The following LENG9 variants were observed in gnomAD, a reference collection of about 807,000 sequenced individuals.
The protein encoded by LENG9 is leukocyte receptor cluster (LRC) member 9.
For missense variants in LENG9, 872 were observed against 652.7 expected (o/e 1.34, Z -3.66); for synonymous variants, 410 against 303.9 (o/e 1.35, Z -3.63).
chr19:54,463,160 G>A lies in LENG9; in HGVS notation c.367C>T (p.His123Tyr). 1 of 1,589,042 alleles carries A rather than the reference G, an allele frequency of 6.3e-7. No individual in the cohort carries two copies. Among genetic ancestry groups the A allele is most frequent in the East Asian group, 2.3e-5 (1 of 44,078 alleles). ...CGGAAGCGGAAGAAGCGCACGCGGTGCTGGGGCACTGCCAGCACGCCCGGC... is the reference window on the plus strand; with the variant it reads ...CGGAAGCGGAAGAAGCGCACGCGGTACTGGGGCACTGCCAGCACGCCCGGC... ...LGPGVLAVPQ[H>Y]RVRFFRFRGR... Residue 123 changes from histidine (H) to tyrosine (Y), a missense_variant, in exon 1 of 1, where the codon CAC becomes TAC. By Grantham distance (83) the His-to-Tyr change is moderately conservative. Coordinates refer to ENST00000611161, the MANE Select transcript of LENG9 (RefSeq NM_001301782.2).
In LENG9 at chr19:54,461,998, TAAAGAG is replaced by T. The variant is rs2084594186; in HGVS notation, c.*86_*91del. ...TTGGAAGCTTGAGAGAAACCAAAAT[TAAAGAG>T]AGAAAGAGAGAGCGTGCACGCTCCT... On this transcript the variant is annotated 3_prime_UTR_variant, in exon 1 of 1. Coordinates refer to ENST00000611161, the MANE Select transcript of LENG9 (RefSeq NM_001301782.2). 3 of 1,422,430 alleles carry T rather than the reference TAAAGAG, an allele frequency of 2.1e-6. No homozygotes were observed. The highest frequency in any genetic ancestry group is 1.8e-4 in the Middle Eastern group (1 of 5,508). The allele number at this position is 1,422,430 out of a possible 1,614,324, so 88.1% of individuals were successfully genotyped here. A position where few individuals can be genotyped will look rare whatever the true frequency, so the allele number is the denominator to read the frequency against.
In LENG9 at chr19:54,463,247, G is replaced by C; in HGVS notation, c.280C>G (p.Leu94Val). The C allele has an allele frequency of 3.2e-6, 5 of 1,544,792 alleles. No individual in the cohort carries two copies. Among genetic ancestry groups the C allele is most frequent in the Non-Finnish European group, 4.3e-6 (5 of 1,151,550 alleles). ...DFSVGYVDRF[L>V]GVREEPFSAF... The stretch of plus-strand genomic sequence containing the variant: ...CTGAAGGGCTCCTCGCGCACACCCA[G>C]AAAGCGGTCGACGTAGCCCACCGAG... Residue 94 changes from leucine (L) to valine (V), a missense_variant, in exon 1 of 1, where the codon CTG (leucine) becomes GTG (valine). Physicochemically the swap from Leu to Val is conservative, Grantham distance 32 (BLOSUM62 1). Coordinates refer to ENST00000611161, the MANE Select transcript of LENG9 (RefSeq NM_001301782.2).
chr19:54,463,369 G>A lies in LENG9; in HGVS notation c.158C>T (p.Ala53Val). 2 of 1,321,304 alleles carry A rather than the reference G, an allele frequency of 1.5e-6. No individual in the cohort carries two copies. 81.8% of individuals were successfully genotyped at this position (1,321,304 alleles called of 1,614,324 possible). A position where few individuals can be genotyped will look rare whatever the true frequency, so the allele number is the denominator to read the frequency against. The change falls in exon 1 of 1, where the codon GCG becomes GTG. Residue 53 changes from alanine to valine, a missense_variant. By Grantham distance (64) the Ala-to-Val change is moderately conservative (BLOSUM62 0). Transcript: ENST00000611161. The stretch of plus-strand genomic sequence containing the variant: ...CTTCTTGGCCCCGGCCTCCGGCTGC[G>A]CCTCGCGGCCAGGCGGCGCCGGCGC... ...PGAPAPPGRE[A>V]QPEAGAKKPP... is the part of the protein sequence containing the mutation.
Position 54,462,796 on chromosome 19 carries a change from GT to G in LENG9, c.730del (p.Thr244GlnfsTer62). On this transcript the variant is annotated frameshift_variant, in exon 1 of 1. Transcript: ENST00000611161. LOFTEE classifies it low-confidence loss of function (END_TRUNC). ...CAGCAATGTGGTCCTGGTGGCTGCTGTTGGCTTCAGTGCCTCAGTCACTCCG... is the reference window on the plus strand; with the variant it reads ...CAGCAATGTGGTCCTGGTGGCTGCTGTGGCTTCAGTGCCTCAGTCACTCCG... ...LAGVTEALKP[T>X]AATRTTLLGG... 1 of 1,581,042 alleles carries G rather than the reference GT, an allele frequency of 6.3e-7. No homozygotes were observed. The highest frequency in any genetic ancestry group is 8.5e-7 in the Non-Finnish European group (1 of 1,170,708).
In LENG9 at chr19:54,463,106, G is replaced by T. The variant is rs769089695; in HGVS notation, c.421C>A (p.Arg141Ser). 1.2e-6 allele frequency: 2 copies of T among 1,600,846 alleles called. No individual in the cohort carries two copies. The highest frequency in any genetic ancestry group is 1.7e-6 in the Non-Finnish European group (2 of 1,178,686). Reference protein sequence around the residue: ...RGRLVWDRASRTDLVFGSGSA... With the variant: ...RGRLVWDRASSTDLVFGSGSA... ...CCAGAGCCAAAGACGAGGTCGGTGC[G>T]CGAGGCGCGGTCCCACACAAGGCGG... The change falls in exon 1 of 1, where the codon CGC becomes AGC. Residue 141 changes from arginine (R) to serine (S), a missense_variant. Physicochemically the swap from Arg to Ser is moderately radical, Grantham distance 110. Coordinates refer to ENST00000611161, the MANE Select transcript of LENG9 (RefSeq NM_001301782.2).
rs2084672607 is a variant in LENG9 at position 54,463,555 on chromosome 19, G to A, written c.-29C>T. On this transcript the variant is annotated 5_prime_UTR_variant, in exon 1 of 1. Coordinates refer to ENST00000611161, the MANE Select transcript of LENG9 (RefSeq NM_001301782.2). ...TGCGGGGAACTGGCACGCCCGCCGC[G>A]CAGACGAGGTCGCCCCGCACGGAGG... 2.9e-6 allele frequency: 4 copies of A among 1,382,554 alleles called. No homozygotes were observed. Among genetic ancestry groups the A allele is most frequent in the South Asian group, 1.6e-5 (1 of 63,876 alleles). The allele number at this position is 1,382,554 out of a possible 1,614,324, so 85.6% of individuals were successfully genotyped here.
In LENG9 at chr19:54,463,768, G is replaced by A; in HGVS notation, c.-242C>T. On this transcript the variant is annotated 5_prime_UTR_variant, in exon 1 of 1. Coordinates refer to ENST00000611161, the MANE Select transcript of LENG9 (RefSeq NM_001301782.2). ...CCCTCCCCCAGCGCCAGGAAAGCAA[G>A]CTGCGTAAAGGCTGCGGCAGTCTCG... The A allele has an allele frequency of 2.3e-6, 1 of 444,212 alleles. No individual in the cohort carries two copies. Among genetic ancestry groups the A allele is most frequent in the Non-Finnish European group, 3.7e-6 (1 of 272,448 alleles). The allele number at this position is 444,212 out of a possible 1,614,324, so 27.5% of individuals were successfully genotyped here.
chr19:54,463,420 G>A lies in LENG9; in HGVS notation c.107C>T (p.Ala36Val). Residue 36 changes from alanine to valine, a missense_variant, in exon 1 of 1, where the codon GCC becomes GTC. Ala to Val is a moderately conservative substitution (Grantham distance 64, BLOSUM62 0). Transcript: ENST00000611161. ...CCCAGGGTGGGGCTGGCGGCAGCGG[G>A]CGCCGAAGCGGCAGCGGCCTTCCAG... ...FFLEGRCRFG[A>V]RCRQPHPGAP... 1 of 1,242,238 alleles carries A rather than the reference G, an allele frequency of 8.0e-7. No individual in the cohort carries two copies. The highest frequency in any genetic ancestry group is 3.2e-5 in the East Asian group (1 of 31,044). 77.0% of individuals were successfully genotyped at this position (1,242,238 alleles called of 1,614,324 possible). A position where few individuals can be genotyped will look rare whatever the true frequency, so the allele number is the denominator to read the frequency against.
rs1162714702 is a variant in LENG9 at position 54,461,739 on chromosome 19, C to T, written c.*351G>A. 4 of 518,526 alleles carry T rather than the reference C, an allele frequency of 7.7e-6. No homozygotes were observed. The highest frequency in any genetic ancestry group is 1.2e-5 in the Non-Finnish European group (3 of 258,960). 32.1% of individuals were successfully genotyped at this position (518,526 alleles called of 1,614,324 possible). Reference sequence around the variant, plus strand: ...TCACCAGCTCACGTCATGTTGCCTTCTCTTTTCTTTGTGTGTGTGTTTATT... The same window carrying T: ...TCACCAGCTCACGTCATGTTGCCTTTTCTTTTCTTTGTGTGTGTGTTTATT... On this transcript the variant is annotated 3_prime_UTR_variant, in exon 1 of 1. Transcript: ENST00000611161.
Position 54,462,520 on chromosome 19 carries a change from T to C in LENG9, c.1007A>G (p.Gln336Arg), listed in dbSNP as rs2084621590. The change falls in exon 1 of 1, where the codon CAG becomes CGG. Residue 336 changes from glutamine to arginine, a missense_variant. By Grantham distance (43) the Gln-to-Arg change is conservative. Coordinates refer to ENST00000611161, the MANE Select transcript of LENG9 (RefSeq NM_001301782.2). ...CAGGGCCAGGGTCAGGTGTAGGTTC[T>C]GAGAGGGCACTAGGAAGTTGGCGCA... Reference protein sequence around the residue: ...PHCANFLVPSQNLHLTLALLR... With the variant: ...PHCANFLVPSRNLHLTLALLR... The C allele has an allele frequency of 6.2e-7, 1 of 1,613,476 alleles. No homozygotes were observed. Among genetic ancestry groups the C allele is most frequent in the African/African-American group, 1.3e-5 (1 of 74,936 alleles).
Position 54,463,012 on chromosome 19 carries a change from C to T in LENG9, c.515G>A (p.Gly172Asp), listed in dbSNP as rs199909342. The change falls in exon 1 of 1, where the codon GGT (glycine) becomes GAT (aspartate). Residue 172 changes from glycine (G) to aspartate (D), a missense_variant. Coordinates refer to ENST00000611161, the MANE Select transcript of LENG9 (RefSeq NM_001301782.2). ...PNTEGAHGAEGAEWTLAGTGQ... is the reference protein window; with the variant it reads ...PNTEGAHGAEDAEWTLAGTGQ... ...TGTCCCCGCCAGTGTCCACTCGGCA[C>T]CCTCTGCCCCGTGGGCGCCCTCGGT... is the stretch of plus-strand genomic sequence containing the variant. 114 of 1,604,746 alleles carry T rather than the reference C, an allele frequency of 7.1e-5. No individual in the cohort carries two copies. The African/African-American group carries it at 1.4e-3, about 19-fold the overall frequency.
At position 54,463,704 on chromosome 19, in the gene LENG9, G is replaced by T; in HGVS notation, c.-178C>A. 1.2e-6 allele frequency: 1 copy of T among 843,380 alleles called. No homozygotes were observed. The allele number at this position is 843,380 out of a possible 1,614,324, so 52.2% of individuals were successfully genotyped here. On this transcript the variant is annotated 5_prime_UTR_variant, in exon 1 of 1. Coordinates refer to ENST00000611161, the MANE Select transcript of LENG9 (RefSeq NM_001301782.2). ...ACTCTGGCCCAGTCCCTCCTTGGTG[G>T]AGAGCCTGACACCGCTGCTCTGGGA...
rs1427230499 is a variant in LENG9 at position 54,463,260 on chromosome 19, G to C, written c.267C>G (p.Tyr89Ter). Reference protein sequence around the residue: ...RLDPADFSVGYVDRFLGVREE... With the variant: ...RLDPADFSVG The stretch of plus-strand genomic sequence containing the variant: ...CGCGCACACCCAGAAAGCGGTCGAC[G>C]TAGCCCACCGAGAAGTCGGCGGGGT... Residue 89 changes from tyrosine (Y) to a stop codon, truncating the protein, a stop_gained, in exon 1 of 1, where the codon TAC becomes TAG. Transcript: ENST00000611161. LOFTEE classifies it low-confidence loss of function (END_TRUNC). The C allele has an allele frequency of 6.5e-7, 1 of 1,542,338 alleles. No homozygotes were observed. The highest frequency in any genetic ancestry group is 1.9e-5 in the Admixed American group (1 of 51,652).
rs748950224 is a variant in LENG9 at position 54,463,449 on chromosome 19, G to T, written c.78C>A (p.Phe26Leu). 1.6e-6 allele frequency: 2 copies of T among 1,270,582 alleles called. No individual in the cohort carries two copies. The highest frequency in any genetic ancestry group is 3.2e-5 in the East Asian group (1 of 31,710). 78.7% of individuals were successfully genotyped at this position (1,270,582 alleles called of 1,614,324 possible). ...TEPAPPPACR[F>L]FLEGRCRFGA... Reference sequence around the variant, plus strand: ...CGAAGCGGCAGCGGCCTTCCAGGAAGAAGCGGCAGGCCGGCGGGGGCGCGG... The same window carrying T: ...CGAAGCGGCAGCGGCCTTCCAGGAATAAGCGGCAGGCCGGCGGGGGCGCGG... Residue 26 changes from phenylalanine (F) to leucine (L), a missense_variant, in exon 1 of 1, where the codon TTC (phenylalanine) becomes TTA (leucine). Transcript: ENST00000611161.
At position 54,463,198 on chromosome 19, in the gene LENG9, A is replaced by C. The variant is rs756412498; in HGVS notation, c.329T>G (p.Leu110Arg). 7.0e-6 allele frequency: 11 copies of C among 1,561,598 alleles called. No individual in the cohort carries two copies. The highest frequency in any genetic ancestry group is 9.5e-6 in the Non-Finnish European group (11 of 1,160,126). Residue 110 changes from leucine to arginine, a missense_variant, in exon 1 of 1, where the codon CTG becomes CGG. Leu to Arg is a moderately radical substitution (Grantham distance 102). Coordinates refer to ENST00000611161, the MANE Select transcript of LENG9 (RefSeq NM_001301782.2). ...CAGCACGCCCGGCCCGAGCGCCGCC[A>C]GCGGCTGGTCCCAGCAAAAGGCGCT... ...PFSAFCWDQP[L>R]AALGPGVLAV...
At position 54,462,171 on chromosome 19, in the gene LENG9, C is replaced by T; in HGVS notation, c.1356G>A (p.Gln452=). 6.2e-7 allele frequency: 1 copy of T among 1,612,162 alleles called. No homozygotes were observed. Among genetic ancestry groups the T allele is most frequent in the Non-Finnish European group, 8.5e-7 (1 of 1,178,906 alleles). ...EFTLSQEVGC[Q]PLQTLWLCRI... is the part of the protein sequence containing the mutation. ...GGCACAGCCAGAGTGTCTGCAGGGG[C>T]TGGCACCCCACTTCCTGGCTGAGGG... The change falls in exon 1 of 1, where the codon CAG becomes CAA. Residue 452 remains glutamine, a synonymous_variant. Transcript: ENST00000611161.
In LENG9 at chr19:54,461,748, TTGTG is replaced by T. The variant is rs561715173; in HGVS notation, c.*338_*341del. On this transcript the variant is annotated 3_prime_UTR_variant, in exon 1 of 1. Coordinates refer to ENST00000611161, the MANE Select transcript of LENG9 (RefSeq NM_001301782.2). ...CACGTCATGTTGCCTTCTCTTTTCT[TTGTG>T]TGTGTGTTTATTTAAGTTATTTTTC... The T allele has an allele frequency of 1.9e-6, 1 of 531,800 alleles. No homozygotes were observed. The highest frequency in any genetic ancestry group is 2.3e-5 in the Admixed American group (1 of 44,208). The allele number at this position is 531,800 out of a possible 1,614,324, so 32.9% of individuals were successfully genotyped here.
chr19:54,462,437 G>A lies in LENG9; in HGVS notation c.1090C>T (p.Leu364Phe), dbSNP rs1335727114. The A allele has an allele frequency of 1.9e-6, 3 of 1,613,520 alleles. No homozygotes were observed. The highest frequency in any genetic ancestry group is 2.5e-6 in the Non-Finnish European group (3 of 1,179,980). Residue 364 changes from leucine (L) to phenylalanine (F), a missense_variant, in exon 1 of 1, where the codon CTC (leucine) becomes TTC (phenylalanine). By Grantham distance (22) the Leu-to-Phe change is conservative. Coordinates refer to ENST00000611161, the MANE Select transcript of LENG9 (RefSeq NM_001301782.2). ...AAAIGALRRA[L>F]LAPGLNAPPR... ...GGTGCATTTAGCCCCGGGGCCAAGA[G>A]GGCCCGTCTCAGAGCTCCAATGGCA...
rs1417607441 is a variant in LENG9 at position 54,461,869 on chromosome 19, T to A, written c.*221A>T. The A allele has an allele frequency of 1.9e-6, 1 of 536,228 alleles. No individual in the cohort carries two copies. The highest frequency in any genetic ancestry group is 2.0e-5 in the African/African-American group (1 of 51,002). The allele number at this position is 536,228 out of a possible 1,614,324, so 33.2% of individuals were successfully genotyped here. ...GCTATGAGTTTGCAAACAGCTGGAC[T>A]GTCAGGCTGCTTTTTTTCCAGATGT... is the stretch of plus-strand genomic sequence containing the variant. On this transcript the variant is annotated 3_prime_UTR_variant, in exon 1 of 1. Coordinates refer to ENST00000611161, the MANE Select transcript of LENG9 (RefSeq NM_001301782.2).
Sources: allele counts gnomAD v4.1 joint callset, GRCh38; gene constraint gnomAD v4.1.1; transcripts MANE v1.5; gene names NCBI Gene and HGNC (gene_info 2026-07-23, HGNC 2026-07-21).